The following PRSS12 variants were observed in gnomAD, a reference collection of about 807,000 sequenced individuals.
The protein encoded by PRSS12 is serine protease 12, also known as neurotrypsin.
Under a neutral mutation model 104.4 loss-of-function variants are expected in PRSS12, and 85 were observed. That is an observed-to-expected ratio of 0.81 (90% confidence interval 0.68 to 0.98). The LOEUF (loss-of-function observed/expected upper bound fraction) is 0.98, where lower values mean the gene tolerates loss of function less well. PRSS12 is among the 50% of genes least tolerant of loss of function. PRSS12 has a pLI of 0.00. For synonymous variants in PRSS12, 454 were observed against 425.2 expected (o/e 1.07, Z -0.83); for missense variants, 1,141 against 1,139.2 (o/e 1.00, Z -0.02).
rs373973695 is a variant in PRSS12 at position 118,331,878 on chromosome 4, G to C, written c.821-12C>G. The C allele has an allele frequency of 1.3e-5, 21 of 1,613,548 alleles. No individual in the cohort carries two copies. Among genetic ancestry groups the C allele is most frequent in the Non-Finnish European group, 1.7e-5 (20 of 1,180,024 alleles). On this transcript the variant is annotated splice_polypyrimidine_tract_variant and intron_variant, in intron 3 of 12. Transcript: ENST00000296498. ...GGGGAACGTTGGGCCTGTGCAATGT[G>C]AAGTTAAAAATAAGCAAAACCTATG...
At chr4:118,287,280 G>A (rs757082049) in intron 11 of PRSS12, among the ~76,000 whole-genome samples, 1 of 152,034 alleles carries the variant, frequency 6.6e-6, no homozygotes, top group Non-Finnish European at 1.5e-5. Flanking sequence ...CAAGCAGCCG[G>A]GACCACAAGT....
At position 118,295,059 on chromosome 4, in the gene PRSS12, C is replaced by G. The variant is rs542351163; in HGVS notation, c.1919G>C (p.Gly640Ala). 1.9e-6 allele frequency: 3 copies of G among 1,613,878 alleles called. No individual in the cohort carries two copies. In the Admixed American group the frequency reaches 5.0e-5, roughly 27 times the overall value. The part of the protein sequence containing the change: ...RIIGGKNSLR[G>A]GWPWQVSLRL... ...GAGGGAAACCTGCCAAGGCCAACCACCCCTAAGAAGAAAATGAGCTACACA... is the reference window on the plus strand; with the variant it reads ...GAGGGAAACCTGCCAAGGCCAACCAGCCCTAAGAAGAAAATGAGCTACACA... Residue 640 changes from glycine (G) to alanine (A), a missense_variant and splice_region_variant, in exon 11 of 13, where the codon GGT becomes GCT. By Grantham distance (60) the Gly-to-Ala change is moderately conservative (BLOSUM62 0). Transcript: ENST00000296498.
At chr4:118,305,383 T>A (rs1743521739) in intron 8 of PRSS12, among the ~76,000 whole-genome samples, 1 of 152,038 alleles carries the variant, frequency 6.6e-6, no homozygotes, top group East Asian at 1.9e-4. Context: ...TCTTGATTGA[T>A]AAGTATTACA....
chr4:118,291,445 A>C (rs891862056), intron 11 of PRSS12, among the ~76,000 whole-genome samples: 2 of 152,200 alleles, frequency 1.3e-5, no homozygotes, highest in Non-Finnish European at 2.9e-5. Flanking sequence ...CCATCTTTGA[A>C]CTGTCCTCGT....
intron 4 of PRSS12, among the ~76,000 whole-genome samples, chr4:118,321,122 T>G (rs552579623): frequency 6.6e-6 from 1 of 152,242 alleles, no homozygotes; most frequent in South Asian, 2.1e-4. Context: ...AATATTGGAG[T>G]CCTAACACAA....
rs1254255329 is a variant in PRSS12, at chr4:118,282,242, T to C, written c.2322A>G (p.Gly774=). Residue 774 remains glycine (G), a splice_region_variant and synonymous_variant, in exon 13 of 13, where the codon GGA becomes GGG. Transcript: ENST00000296498. ...GTTGTAGTGTTCTTGAATAGGCTCGTCCTACTCAGACCAAACATCTGATTA... is the reference window on the plus strand; with the variant it reads ...GTTGTAGTGTTCTTGAATAGGCTCGCCCTACTCAGACCAAACATCTGATTA... ...NCYITGWGDT[G]RAYSRTLQQA... is the part of the protein sequence containing the mutation. The C allele has an allele frequency of 6.2e-7, 1 of 1,614,180 alleles. No individual in the cohort carries two copies. Among genetic ancestry groups the C allele is most frequent in the Non-Finnish European group, 8.5e-7 (1 of 1,180,030 alleles).
rs200483108 is a variant in PRSS12, at chr4:118,305,136, C to T, written c.1631+3300G>A. The stretch of plus-strand genomic sequence containing the variant: ...ATATATATATACACACACACACACA[C>T]ATATATATATATACTGAAAATATAC... On this transcript the variant is annotated intron_variant, in intron 8 of 12. Coordinates refer to ENST00000296498, the MANE Select transcript of PRSS12 (RefSeq NM_003619.4). 1.4e-3 allele frequency among the ~76,000 whole-genome samples: 208 copies of T among 148,260 alleles called. 6 individuals are homozygous for T. The East Asian group carries it at 0.026, about 19-fold the overall frequency.
Position 118,309,014 on chromosome 4 carries a change from G to A in PRSS12, c.1490-437C>T, listed in dbSNP as rs566476439. On this transcript the variant is annotated intron_variant, in intron 7 of 12. Transcript: ENST00000296498. The stretch of plus-strand genomic sequence containing the variant: ...ACACCAAAGACAAGATTTTTAGAAC[G>A]ATATAAATAGACACAATCTTGGCAT... Among the ~76,000 whole-genome samples the A allele has an allele frequency of 1.5e-4, 22 of 151,598 alleles. No individual in the cohort carries two copies. In the South Asian group the frequency reaches 4.0e-3, roughly 27 times the overall value.
At chr4:118,352,072 A>G in intron 1 of PRSS12, 147 bp downstream of exon 1, 1 of 1,172,316 alleles carries the variant, frequency 8.5e-7, no homozygotes, top group Non-Finnish European at 1.2e-6. Context: ...CTGGTAACCC[A>G]GCTGCAGCCC....
intron 11 of PRSS12, among the ~76,000 whole-genome samples, chr4:118,291,922 T>G (rs1457739483): frequency 6.6e-6 from 1 of 152,136 alleles, no homozygotes; most frequent in East Asian, 1.9e-4. Context: ...TATTCCATAT[T>G]GCTTGTTAGA....
At chr4:118,325,582 T>G (rs1048707977) in intron 4 of PRSS12, among the ~76,000 whole-genome samples, 3 of 152,106 alleles carry the variant, frequency 2.0e-5, no homozygotes, top group African/African-American at 7.2e-5. Context: ...GTCACTAGCA[T>G]TTCCTGGTAC....
chr4:118,328,226 A>T (rs1022874109), intron 4 of PRSS12, among the ~76,000 whole-genome samples: 1 of 152,256 alleles, frequency 6.6e-6, no homozygotes, highest in Non-Finnish European at 1.5e-5. Flanking sequence ...AGTGCAAGAA[A>T]AGTAAACGAA....
chr4:118,313,539 A>C (rs1743816147), intron 6 of PRSS12, 142 bp from the exon 7 acceptor site: 4 of 880,516 alleles, frequency 4.5e-6, no homozygotes, highest in Non-Finnish European at 7.3e-6. Context: ...TTGGGGACGC[A>C]GTTTAGAGCT....
chr4:118,330,373 T>G (rs1578931339), intron 4 of PRSS12, among the ~76,000 whole-genome samples: 1 of 152,070 alleles, frequency 6.6e-6, no homozygotes, highest in South Asian at 2.1e-4. Flanking sequence ...TTTTATGAAT[T>G]ACAAGAACCA....
In PRSS12 at chr4:118,283,054, T is replaced by C; in HGVS notation, c.2097A>G (p.Val699=). 6.2e-7 allele frequency: 1 copy of C among 1,614,202 alleles called. No homozygotes were observed. The highest frequency in any genetic ancestry group is 8.5e-7 in the Non-Finnish European group (1 of 1,180,032). Residue 699 remains valine (V), a synonymous_variant, in exon 12 of 13, where the codon GTA becomes GTG. Coordinates refer to ENST00000296498, the MANE Select transcript of PRSS12 (RefSeq NM_003619.4). ...CAATTTCTTCCTCAAACTCCTCTGGTACCAGAGTATGATAATCTCCAACCC... is the reference window on the plus strand; with the variant it reads ...CAATTTCTTCCTCAAACTCCTCTGGCACCAGAGTATGATAATCTCCAACCC... ...AVRVGDYHTL[V]PEEFEEEIGV...
intron 11 of PRSS12, among the ~76,000 whole-genome samples, chr4:118,285,662 TG>T (rs760369684): frequency 1.3e-5 from 2 of 151,720 alleles, no homozygotes; most frequent in Admixed American, 6.6e-5. Flanking sequence ...ATACTTAGTA[TG>T]AAAAAAAAAC....
At chr4:118,288,725 C>T (rs1047606175) in intron 11 of PRSS12, among the ~76,000 whole-genome samples, 5 of 152,074 alleles carry the variant, frequency 3.3e-5, no homozygotes, top group South Asian at 2.1e-4. Flanking sequence ...ACAATAGACA[C>T]GCAAGGCAAT....
chr4:118,294,063 T>C (rs1237469932), intron 11 of PRSS12, among the ~76,000 whole-genome samples: 2 of 152,202 alleles, frequency 1.3e-5, no homozygotes, highest in Non-Finnish European at 2.9e-5. Context: ...GGATCGTAAG[T>C]ACATAATGAG....
chr4:118,303,616 T>C (rs1743456356), intron 8 of PRSS12: 1 of 152,170 alleles, frequency 6.6e-6, no homozygotes, highest in African/African-American at 2.4e-5. Context: ...AAAATTTCAA[T>C]GACACAACAC....
Sources: allele counts gnomAD v4.1 joint callset (sites outside exome capture counted in the v4.1 genomes callset), GRCh38; gene constraint gnomAD v4.1.1; transcripts MANE v1.5; gene names NCBI Gene and HGNC (gene_info 2026-07-23, HGNC 2026-07-21).